Variants in KIF26B observed in about 807,000 individuals in gnomAD.
KIF26B encodes kinesin family member 26B, also known as kinesin-like protein KIF26B.
KIF26B carries 63 observed loss-of-function variants against 151.2 expected under a neutral mutation model. The ratio of observed to expected loss-of-function variants is 0.42; its 90% confidence interval spans 0.34 to 0.51. The LOEUF (loss-of-function observed/expected upper bound fraction) is 0.51, where lower values mean the gene tolerates loss of function less well. KIF26B is among the 20% of genes least tolerant of loss of function. The pLI is 0.07. For missense variants in KIF26B, 2,813 were observed against 2,913.6 expected, an observed-to-expected ratio of 0.97 and a Z score of 0.79; for synonymous variants, 1,357 against 1,262.1, an observed-to-expected ratio of 1.08 and a Z score of -1.59.
At chr1:245,510,237 G>C (rs954043161) in intron 4 of KIF26B, among the ~76,000 whole-genome samples, 7 of 152,196 alleles carry the variant, frequency 4.6e-5, no homozygotes, top group African/African-American at 1.7e-4. Context: ...ATTACTGAGA[G>C]CATTGGAATA....
At chr1:245,627,779 T>C (rs1042626231) in intron 9 of KIF26B, among the ~76,000 whole-genome samples, 4 of 150,702 alleles carry the variant, frequency 2.7e-5, no homozygotes, top group African/African-American at 4.9e-5. Context: ...ACAGACACAA[T>C]AGAAAATGAT....
At chr1:245,324,197 T>C (rs557128291) in intron 2 of KIF26B, among the ~76,000 whole-genome samples, 4 of 151,568 alleles carry the variant, frequency 2.6e-5, no homozygotes, top group Middle Eastern at 3.4e-3. Flanking sequence ...TGGGGTGGGC[T>C]CTGCCATGCA....
chr1:245,280,285 G>A (rs1055318817), intron 2 of KIF26B, among the ~76,000 whole-genome samples: 1 of 151,494 alleles, frequency 6.6e-6, no homozygotes, highest in Non-Finnish European at 1.5e-5. Flanking sequence ...AGGCCGAGAC[G>A]GGTGGATCAT....
At chr1:245,158,307 A>G (rs540310453) in intron 2 of KIF26B, among the ~76,000 whole-genome samples, 10 of 152,268 alleles carry the variant, frequency 6.6e-5, no homozygotes, top group African/African-American at 2.4e-4. Flanking sequence ...GGGGAAGGAA[A>G]ATCTACAGAG....
At chr1:245,552,029 C>T (rs1055268572) in intron 5 of KIF26B, among the ~76,000 whole-genome samples, 2 of 141,886 alleles carry the variant, frequency 1.4e-5, no homozygotes, top group African/African-American at 5.4e-5. Flanking sequence ...GAATCCAGAG[C>T]ACTACACGGT....
intron 3 of KIF26B, among the ~76,000 whole-genome samples, chr1:245,384,047 C>T (rs1210676649): frequency 1.3e-5 from 2 of 152,170 alleles, no homozygotes; most frequent in Non-Finnish European, 2.9e-5. Flanking sequence ...AGTATGACCT[C>T]GGGCAGGTTT....
At chr1:245,532,276 T>G (rs573045101) in intron 4 of KIF26B, among the ~76,000 whole-genome samples, 1 of 146,398 alleles carries the variant, frequency 6.8e-6, no homozygotes, top group East Asian at 2.0e-4. Context: ...GACAGAGTCT[T>G]GCTCTGTCGC....
At chr1:245,313,539 C>T (rs1573769164) in intron 2 of KIF26B, among the ~76,000 whole-genome samples, 1 of 152,084 alleles carries the variant, frequency 6.6e-6, no homozygotes, top group East Asian at 1.9e-4. Context: ...GGGAGAAGAC[C>T]CGGAAATACT....
In KIF26B at chr1:245,197,522, T is replaced by G. The variant is rs1669217144; in HGVS notation, c.465+40839T>G. 5.3e-5 allele frequency among the ~76,000 whole-genome samples: 8 copies of G among 152,126 alleles called. No individual in the cohort carries two copies. The South Asian group carries it at 1.7e-3, about 31-fold the overall frequency. ...ATCACACACACACGTGCTCACACACTTCAGAAGTCTCATGGCTAACGATGG... is the reference window on the plus strand; with the variant it reads ...ATCACACACACACGTGCTCACACACGTCAGAAGTCTCATGGCTAACGATGG... On this transcript the variant is annotated intron_variant, in intron 2 of 14. Coordinates refer to ENST00000407071, the MANE Select transcript of KIF26B (RefSeq NM_018012.4).
chr1:245,540,831 G>A lies in KIF26B; in HGVS notation c.1231G>A (p.Ala411Thr). 1 of 1,613,914 alleles carries A rather than the reference G, an allele frequency of 6.2e-7. No individual in the cohort carries two copies. Among genetic ancestry groups the A allele is most frequent in the Non-Finnish European group, 8.5e-7 (1 of 1,179,868 alleles). ...ACATCGGCCTTCCACTTCTTCCGCT[G>A]CCGAACCACCGCTCTTTGCAACCAG... ...KKHRPSTSSA[A>T]EPPLFATSFS... The change falls in exon 5 of 15, where the codon GCC becomes ACC. Residue 411 changes from alanine to threonine, a missense_variant. Physicochemically the swap from Ala to Thr is moderately conservative, Grantham distance 58 (BLOSUM62 0). Around this residue, in one of 3 missense-constraint regions of KIF26B, gnomAD observed 676 missense variants for 688.1 expected, o/e 0.98. Transcript: ENST00000407071. The surrounding 1 kb of genome is among the most constrained non-coding windows in gnomAD (Gnocchi z 4.6).
At chr1:245,532,303 T>G (rs932332630) in intron 4 of KIF26B, among the ~76,000 whole-genome samples, 43 of 146,928 alleles carry the variant, frequency 2.9e-4, no homozygotes, top group Non-Finnish European at 3.9e-4. Flanking sequence ...TGGAGTGCAG[T>G]GGCGCGATCT....
intron 10 of KIF26B, among the ~76,000 whole-genome samples, chr1:245,682,305 C>G (rs1397208616): frequency 6.6e-6 from 1 of 152,198 alleles, no homozygotes; most frequent in Non-Finnish European, 1.5e-5. Context: ...TACTTTTGCA[C>G]CAAACTGTAT....
At chr1:245,653,279 G>C (rs1289566079) in intron 10 of KIF26B, among the ~76,000 whole-genome samples, 1 of 152,132 alleles carries the variant, frequency 6.6e-6, no homozygotes, top group African/African-American at 2.4e-5. Context: ...ACTCTATCTT[G>C]ATCTTGCTAA....
At chr1:245,441,017 A>G (rs1659066298) in intron 4 of KIF26B, among the ~76,000 whole-genome samples, 1 of 152,324 alleles carries the variant, frequency 6.6e-6, no homozygotes, top group East Asian at 1.9e-4. Flanking sequence ...AGGAAGGTAT[A>G]AAATCCAGAT....
rs1660335909 is a variant in KIF26B, at chr1:245,488,721, TAAG to T, written c.1167-52041_1167-52039del. 1.3e-5 allele frequency among the ~76,000 whole-genome samples: 2 copies of T among 152,188 alleles called. No individual in the cohort carries two copies. The highest frequency in any genetic ancestry group is 2.4e-5 in the African/African-American group (1 of 41,456). ...AGAGTTGAGTGAAGCATTTTAGCTTTAAGAAGATTATTATAATTATCTCAAGGC... is the reference window on the plus strand; with the variant it reads ...AGAGTTGAGTGAAGCATTTTAGCTTTAAGATTATTATAATTATCTCAAGGC... On this transcript the variant is annotated intron_variant, in intron 4 of 14. Transcript: ENST00000407071. The surrounding 1 kb of genome is among the most constrained non-coding windows in gnomAD (Gnocchi z 4.6).
intron 4 of KIF26B, among the ~76,000 whole-genome samples, chr1:245,438,926 T>A (rs1171729403): frequency 6.6e-6 from 1 of 152,178 alleles, no homozygotes; most frequent in Non-Finnish European, 1.5e-5. Context: ...TACAAAGGGC[T>A]GTGAGGAAAT....
intron 9 of KIF26B, among the ~76,000 whole-genome samples, chr1:245,643,188 G>T (rs1367032906): frequency 6.6e-6 from 1 of 152,120 alleles, no homozygotes; most frequent in East Asian, 1.9e-4. Flanking sequence ...CTTTTAATAA[G>T]GGTATTTTAG....
At chr1:245,521,351 A>C (rs865938643) in intron 4 of KIF26B, among the ~76,000 whole-genome samples, 2 of 152,100 alleles carry the variant, frequency 1.3e-5, no homozygotes, top group African/African-American at 4.8e-5. Context: ...AAAAAAAAAA[A>C]AAAAGCAATA....
At chr1:245,165,705 A>C (rs929522067) in intron 2 of KIF26B, among the ~76,000 whole-genome samples, 1 of 152,170 alleles carries the variant, frequency 6.6e-6, no homozygotes, top group African/African-American at 2.4e-5. Context: ...AGAGGGATGA[A>C]AAACCAGGAG....
Sources: allele counts gnomAD v4.1 joint callset (sites outside exome capture counted in the v4.1 genomes callset), GRCh38; gene constraint gnomAD v4.1.1; regional missense constraint gnomAD v4.1.1; non-coding constraint Gnocchi (gnomAD v3.1); transcripts MANE v1.5; gene names NCBI Gene and HGNC (gene_info 2026-07-23, HGNC 2026-07-21).